Variants in GALNT13 observed in about 807,000 individuals in gnomAD.
GALNT13 encodes UDP-GalNAc:polypeptide N-acetylgalactosaminyltransferase 13.
Under a neutral mutation model 64.2 loss-of-function variants are expected in GALNT13, and 28 were observed. That is an observed-to-expected ratio of 0.44 (90% CI 0.32 to 0.60). The LOEUF is 0.60. GALNT13 is among the 20% of genes least tolerant of loss of function. The pLI, the probability that GALNT13 is intolerant of heterozygous loss-of-function variation, is 0.05. For missense variants in GALNT13, 577 were observed against 669.8 expected (o/e 0.86, Z 1.53); for synonymous variants, 214 against 224.6 (o/e 0.95, Z 0.42).
At chr2:153,228,884 A>G in the GALNT13 span, among the ~76,000 whole-genome samples, 1 of 151,618 alleles carries the variant, frequency 6.6e-6, no homozygotes, top group Admixed American at 6.6e-5. Context: ...AAAAAAAAAA[A>G]AAAAAAAAAA....
chr2:154,145,853 A>G (rs1241567510), intron 4 of GALNT13, among the ~76,000 whole-genome samples: 1 of 151,978 alleles, frequency 6.6e-6, no homozygotes, highest in Non-Finnish European at 1.5e-5. Flanking sequence ...TTTCCCATGA[A>G]TTAAAATATG....
chr2:154,171,733 C>G (rs1685360248), intron 4 of GALNT13, among the ~76,000 whole-genome samples: 1 of 152,076 alleles, frequency 6.6e-6, no homozygotes, highest in Admixed American at 6.6e-5. Context: ...CTCAGCTTCA[C>G]AGCTTGTTTT....
rs554372343 is a variant in GALNT13 at position 153,976,823 on chromosome 2, C to G, written c.142+32184C>G. On this transcript the variant is annotated intron_variant, in intron 3 of 12. Transcript: ENST00000392825. ...TTAGAAAATTTGCATATTTTTGTAA[C>G]AATTGGCAAAAAATTAATATGGAAA... Among the ~76,000 whole-genome samples, 21 of 151,968 alleles carry G rather than the reference C, an allele frequency of 1.4e-4. No individual in the cohort carries two copies. The South Asian group carries it at 3.5e-3, about 26-fold the overall frequency.
chr2:153,660,055 A>AC, the GALNT13 span, among the ~76,000 whole-genome samples: 4 of 152,170 alleles, frequency 2.6e-5, no homozygotes, highest in African/African-American at 9.6e-5. Context: ...TCTTCCTGGT[A>AC]CATATATTAT....
the GALNT13 span, among the ~76,000 whole-genome samples, chr2:153,657,504 C>T: frequency 3.8e-3 from 574 of 152,050 alleles, 5 homozygotes; most frequent in African/African-American, 0.013. Flanking sequence ...TTTACAGTTG[C>T]AGAATCTGAA....
chr2:154,336,559 T>C (rs919584296), intron 9 of GALNT13, among the ~76,000 whole-genome samples: 1 of 152,148 alleles, frequency 6.6e-6, no homozygotes, highest in Non-Finnish European at 1.5e-5. Context: ...AGTATGGTTA[T>C]ATTTAAATAA....
At chr2:153,141,847 T>C in the GALNT13 span, among the ~76,000 whole-genome samples, 1 of 152,026 alleles carries the variant, frequency 6.6e-6, no homozygotes, top group Non-Finnish European at 1.5e-5. Flanking sequence ...AAGAGTAAGG[T>C]AGTAAACATC....
intron 3 of GALNT13, among the ~76,000 whole-genome samples, chr2:153,947,798 G>A (rs1691875956): frequency 6.6e-6 from 1 of 151,848 alleles, no homozygotes; most frequent in South Asian, 2.1e-4. Flanking sequence ...TGTCTTCCAG[G>A]GTTATTATAG....
the GALNT13 span, among the ~76,000 whole-genome samples, chr2:153,388,049 G>A: frequency 4.6e-5 from 7 of 151,464 alleles, no homozygotes; most frequent in African/African-American, 1.5e-4. Flanking sequence ...AGAGGGGAGC[G>A]GAAGGGGAGG....
At chr2:153,578,753 G>A in the GALNT13 span, among the ~76,000 whole-genome samples, 1 of 152,192 alleles carries the variant, frequency 6.6e-6, no homozygotes, top group African/African-American at 2.4e-5. Flanking sequence ...ATGTTCTGTG[G>A]TCTGTAGCAA....
At chr2:154,403,787 G>C (rs1446598359) in intron 10 of GALNT13, among the ~76,000 whole-genome samples, 1 of 152,110 alleles carries the variant, frequency 6.6e-6, no homozygotes, top group Non-Finnish European at 1.5e-5. Context: ...TGTTTAAGCA[G>C]AACTGAGTCC....
At chr2:154,254,620 G>T (rs1228010454) in intron 7 of GALNT13, among the ~76,000 whole-genome samples, 2 of 143,972 alleles carry the variant, frequency 1.4e-5, no homozygotes, top group Admixed American at 7.5e-5. Context: ...ATTGAATTAG[G>T]CATAAAAAAT....
chr2:153,261,567 T>TG, the GALNT13 span, among the ~76,000 whole-genome samples: 5 of 152,136 alleles, frequency 3.3e-5, no homozygotes, highest in African/African-American at 4.8e-5. Context: ...TGCCTGGATC[T>TG]GGGGGAGAGG....
At chr2:153,465,748 C>A in the GALNT13 span, among the ~76,000 whole-genome samples, 2 of 151,904 alleles carry the variant, frequency 1.3e-5, no homozygotes, top group African/African-American at 2.4e-5. Flanking sequence ...AGTGTAACTT[C>A]TGGACAAATC....
chr2:153,590,535 A>G, the GALNT13 span, among the ~76,000 whole-genome samples: 1 of 152,156 alleles, frequency 6.6e-6, no homozygotes, highest in Non-Finnish European at 1.5e-5. Context: ...AACAACAACA[A>G]AAACTACAGA....
At chr2:153,985,050 G>T (rs2105170160) in intron 3 of GALNT13, among the ~76,000 whole-genome samples, 1 of 152,000 alleles carries the variant, frequency 6.6e-6, no homozygotes. Flanking sequence ...TGAAAAATGG[G>T]AAAACAGTTC....
At chr2:154,059,774 A>G (rs542185367) in intron 3 of GALNT13, among the ~76,000 whole-genome samples, 1 of 152,236 alleles carries the variant, frequency 6.6e-6, no homozygotes, top group African/African-American at 2.4e-5. Flanking sequence ...TCTTATTAGC[A>G]TTATGTACCA....
intron 9 of GALNT13, among the ~76,000 whole-genome samples, chr2:154,342,519 T>G (rs1266956594): frequency 6.6e-6 from 1 of 151,834 alleles, no homozygotes; most frequent in Non-Finnish European, 1.5e-5. Flanking sequence ...GAATTCGTTT[T>G]ACATTTCTAA....
At chr2:154,156,459 G>T (rs1225826613) in intron 4 of GALNT13, among the ~76,000 whole-genome samples, 5 of 152,046 alleles carry the variant, frequency 3.3e-5, no homozygotes, top group Non-Finnish European at 5.9e-5. Flanking sequence ...AATAGTAAAT[G>T]TAGCTAAATA....
Sources: allele counts gnomAD v4.1 joint callset (sites outside exome capture counted in the v4.1 genomes callset), GRCh38; gene constraint gnomAD v4.1.1; transcripts MANE v1.5; gene names NCBI Gene and HGNC (gene_info 2026-07-23, HGNC 2026-07-21).